The following NXPH1 variants were observed in gnomAD, a reference collection of about 807,000 sequenced individuals.
NXPH1 encodes neurexophilin-1.
Under a neutral mutation model 23.7 loss-of-function variants are expected in NXPH1, and 5 were observed. The ratio of observed to expected loss-of-function variants is 0.21; its 90% confidence interval spans 0.11 to 0.44. The LOEUF (loss-of-function observed/expected upper bound fraction) is 0.44, where lower values mean the gene tolerates loss of function less well. NXPH1 is among the 20% of genes least tolerant of loss of function. The probability of loss-of-function intolerance (pLI) is 0.99; values close to 1 mark genes in which losing one functional copy is unlikely to be tolerated. For missense variants in NXPH1, 324 were observed against 321.6 expected, an observed-to-expected ratio of 1.01 and a Z score of -0.06; for synonymous variants, 144 against 122.2, an observed-to-expected ratio of 1.18 and a Z score of -1.18.
chr7:8,471,430 G>C (rs1481244835), intron 2 of NXPH1, among the ~76,000 whole-genome samples: 1 of 152,112 alleles, frequency 6.6e-6, no homozygotes, highest in African/African-American at 2.4e-5. Context: ...AAGGACAGAG[G>C]GTTAAGGATG....
chr7:8,554,540 A>G (rs1202635434), intron 2 of NXPH1, among the ~76,000 whole-genome samples: 1 of 151,754 alleles, frequency 6.6e-6, no homozygotes, highest in East Asian at 1.9e-4. Flanking sequence ...ATAGGCTCTT[A>G]GTACATTAAT....
At chr7:8,659,344 C>T (rs1004256541) in intron 2 of NXPH1, among the ~76,000 whole-genome samples, 38 of 152,294 alleles carry the variant, frequency 2.5e-4, no homozygotes, top group Non-Finnish European at 4.0e-4. Flanking sequence ...TATCAGAAGA[C>T]GTTTTCTTTA....
chr7:8,711,899 G>C (rs1027682216), intron 2 of NXPH1, among the ~76,000 whole-genome samples: 3 of 152,218 alleles, frequency 2.0e-5, no homozygotes, highest in Non-Finnish European at 4.4e-5. Context: ...AGCTGGGATA[G>C]AACAGGAAAG....
At chr7:8,711,477 A>G (rs945474244) in intron 2 of NXPH1, among the ~76,000 whole-genome samples, 1 of 152,222 alleles carries the variant, frequency 6.6e-6, no homozygotes, top group African/African-American at 2.4e-5. Context: ...TCTGGTTTGG[A>G]AACATAGGCC....
intron 2 of NXPH1, among the ~76,000 whole-genome samples, chr7:8,589,248 A>C (rs1229169631): frequency 1.3e-5 from 2 of 152,158 alleles, no homozygotes. Context: ...ATAGAATCTG[A>C]GAATCAGAGA....
intron 2 of NXPH1, among the ~76,000 whole-genome samples, chr7:8,598,087 G>T (rs1289625018): frequency 2.0e-5 from 3 of 152,072 alleles, no homozygotes; most frequent in Non-Finnish European, 4.4e-5. Context: ...AGGCATTAGG[G>T]TTTGAATCCT....
Position 8,650,990 on chromosome 7 carries a change from A to G in NXPH1, c.55-100018A>G, listed in dbSNP as rs1287216474. On this transcript the variant is annotated intron_variant, in intron 2 of 2. Transcript: ENST00000405863. ...TTATTTATTTATTTATTATTCTTATACTTTAAGTTTTAGGGTACATGTGCA... is the reference window on the plus strand; with the variant it reads ...TTATTTATTTATTTATTATTCTTATGCTTTAAGTTTTAGGGTACATGTGCA... Among the ~76,000 whole-genome samples, 6 of 151,712 alleles carry G rather than the reference A, an allele frequency of 4.0e-5. 1 individual carries two copies. In the South Asian group the frequency reaches 6.2e-4, roughly 16 times the overall value.
At chr7:8,576,524 G>T (rs149990607) in intron 2 of NXPH1, among the ~76,000 whole-genome samples, 1 of 152,160 alleles carries the variant, frequency 6.6e-6, no homozygotes, top group African/African-American at 2.4e-5. Flanking sequence ...AGACAATGTA[G>T]CTTATGGAAG....
chr7:8,560,676 T>C (rs1818428640), intron 2 of NXPH1, among the ~76,000 whole-genome samples: 1 of 151,704 alleles, frequency 6.6e-6, no homozygotes, highest in Admixed American at 6.6e-5. Flanking sequence ...AAGCCATTAG[T>C]TGATCTCTTG....
At chr7:8,513,792 T>G (rs1233314336) in intron 2 of NXPH1, among the ~76,000 whole-genome samples, 1 of 152,090 alleles carries the variant, frequency 6.6e-6, no homozygotes, top group Non-Finnish European at 1.5e-5. Context: ...TGCCTGCGTC[T>G]TGCTCCATGT....
At chr7:8,514,916 C>T (rs900292179) in intron 2 of NXPH1, among the ~76,000 whole-genome samples, 42 of 152,174 alleles carry the variant, frequency 2.8e-4, no homozygotes, top group African/African-American at 8.4e-4. Flanking sequence ...AAATGTTTTA[C>T]GGTCAGTTTA....
intron 2 of NXPH1, among the ~76,000 whole-genome samples, chr7:8,725,858 CTG>C (rs1373114320): frequency 5.8e-5 from 6 of 103,622 alleles, no homozygotes; most frequent in African/African-American, 2.3e-4. Flanking sequence ...CTGGAAAGTT[CTG>C]AGCACTGTCC....
At chr7:8,577,351 T>G (rs1050001119) in intron 2 of NXPH1, among the ~76,000 whole-genome samples, 1 of 152,220 alleles carries the variant, frequency 6.6e-6, no homozygotes, top group Non-Finnish European at 1.5e-5. Context: ...GGTATGTGTC[T>G]TCTCCCACTA....
rs1397676920 is a variant in NXPH1, at chr7:8,442,971, C to A, written c.54+7204C>A. Among the ~76,000 whole-genome samples the A allele has an allele frequency of 1.3e-5, 2 of 152,232 alleles. No individual in the cohort carries two copies. The highest frequency in any genetic ancestry group is 2.4e-5 in the African/African-American group (1 of 41,462). ...GGGCACGCCAGGGCCGGGAGAGCGA[C>A]TCTTCAGCACCACGGCCAGCGCCAC... On this transcript the variant is annotated intron_variant, in intron 2 of 2. Coordinates refer to ENST00000405863, the MANE Select transcript of NXPH1 (RefSeq NM_152745.3). This position sits in a 1 kb window ranked among gnomAD's most constrained non-coding sequence, Gnocchi z 4.6.
chr7:8,566,572 G>T (rs558193622), intron 2 of NXPH1, among the ~76,000 whole-genome samples: 54 of 151,848 alleles, frequency 3.6e-4, no homozygotes, highest in African/African-American at 1.2e-3. Flanking sequence ...TGTCTCTCCT[G>T]GAGCTGGGAC....
chr7:8,672,334 G>A (rs1007733484), intron 2 of NXPH1, among the ~76,000 whole-genome samples: 1 of 152,020 alleles, frequency 6.6e-6, no homozygotes, highest in African/African-American at 2.4e-5. Flanking sequence ...TTGTGGGGTG[G>A]GTGGAGGGAT....
intron 2 of NXPH1, among the ~76,000 whole-genome samples, chr7:8,647,984 C>T (rs1820423421): frequency 6.6e-6 from 1 of 152,058 alleles, no homozygotes; most frequent in South Asian, 2.1e-4. Context: ...CTATATGAAA[C>T]TATCCAAACT....
chr7:8,438,468 T>G (rs1342514146), intron 2 of NXPH1, among the ~76,000 whole-genome samples: 1 of 152,228 alleles, frequency 6.6e-6, no homozygotes, highest in African/African-American at 2.4e-5. Context: ...AATTTTTGTC[T>G]TTGTGAGCTC....
At chr7:8,639,790 C>T (rs914380900) in intron 2 of NXPH1, among the ~76,000 whole-genome samples, 2 of 152,102 alleles carry the variant, frequency 1.3e-5, no homozygotes, top group Admixed American at 1.3e-4. Context: ...TCAGGGGTTT[C>T]CACTTTCACT....
Sources: gnomAD v4.1 joint callset for allele counts (sites outside exome capture counted in the v4.1 genomes callset) on GRCh38, gnomAD v4.1.1 for gene constraint, Gnocchi (gnomAD v3.1) non-coding constraint, MANE v1.5 for transcripts, NCBI Gene and HGNC (gene_info 2026-07-23, HGNC 2026-07-21) for gene names.